TFDP2: variants seen among roughly 807,000 people sequenced by gnomAD.
TFDP2 encodes the protein transcription factor Dp-2 (E2F dimerization partner 2).
TFDP2 carries 17 observed loss-of-function variants against 59.3 expected under a neutral mutation model. The ratio of observed to expected loss-of-function variants is 0.29; its 90% CI spans 0.20 to 0.43. TFDP2 has a LOEUF of 0.43. Ranked by LOEUF, TFDP2 falls within the 20% of genes least tolerant of loss-of-function variation. The pLI, the probability that TFDP2 is intolerant of heterozygous loss-of-function variation, is 1.00. For missense variants in TFDP2, 391 were observed against 528.8 expected, an observed-to-expected ratio of 0.74 and a Z score of 2.56; for synonymous variants, 180 against 194.7, an observed-to-expected ratio of 0.92 and a Z score of 0.63.
At chr3:142,116,236 A>T (rs900931557) in intron 1 of TFDP2, among the ~76,000 whole-genome samples, 1 of 152,046 alleles carries the variant, frequency 6.6e-6, no homozygotes, top group African/African-American at 2.4e-5. Flanking sequence ...GCTAATTTTT[A>T]AAATTTTTGG....
chr3:142,094,354 G>C (rs562179201), intron 2 of TFDP2, among the ~76,000 whole-genome samples: 1 of 151,054 alleles, frequency 6.6e-6, no homozygotes, highest in Non-Finnish European at 1.5e-5. Flanking sequence ...GCCCAGGCTG[G>C]AGTGCAATGG....
chr3:141,996,385 A>G (rs1008558035), intron 4 of TFDP2, among the ~76,000 whole-genome samples: 4 of 152,196 alleles, frequency 2.6e-5, no homozygotes, highest in African/African-American at 9.6e-5. Flanking sequence ...ATTTTTGTAA[A>G]GTTTTGAAAG....
rs1935161213 is a variant in TFDP2 at position 141,945,661 on chromosome 3, T to C, written c.*6852A>G. ...GCTATTCAGGAGAAAAGTAGCCCCA[T>C]TGTCAGTGACGTTTTAGTATGAAAA... On this transcript the variant is annotated 3_prime_UTR_variant, in exon 13 of 13. Transcript: ENST00000489671. The C allele has an allele frequency of 6.6e-6, 1 of 152,202 alleles. No individual in the cohort carries two copies. Among genetic ancestry groups the C allele is most frequent in the African/African-American group, 2.4e-5 (1 of 41,440 alleles). The allele number at this position is 152,202 out of a possible 1,614,324, so 9.4% of individuals were successfully genotyped here.
chr3:142,014,812 A>C (rs1347355964), intron 3 of TFDP2, among the ~76,000 whole-genome samples: 1 of 152,164 alleles, frequency 6.6e-6, no homozygotes, highest in African/African-American at 2.4e-5. Flanking sequence ...CTTCCATCTC[A>C]AAAACAAAAA....
At chr3:142,017,355 G>GT (rs1945206759) in intron 3 of TFDP2, among the ~76,000 whole-genome samples, 1 of 151,960 alleles carries the variant, frequency 6.6e-6, no homozygotes, top group Non-Finnish European at 1.5e-5. Flanking sequence ...GAATAAATTG[G>GT]TAAGTACATG....
At position 141,978,508 on chromosome 3, in the gene TFDP2, T is replaced by C. The variant is rs1456149437; in HGVS notation, c.519+12A>G. The C allele has an allele frequency of 2.5e-6, 4 of 1,602,116 alleles. No individual in the cohort carries two copies. The highest frequency in any genetic ancestry group is 3.4e-6 in the Non-Finnish European group (4 of 1,176,556). ...TCCATCAAAATCAATGTCAGGTTCATGATTTACATACCGAATCAGCAGCCA... is the reference window on the plus strand; with the variant it reads ...TCCATCAAAATCAATGTCAGGTTCACGATTTACATACCGAATCAGCAGCCA... On this transcript the variant is annotated intron_variant, in intron 7 of 12. Coordinates refer to ENST00000489671, the MANE Select transcript of TFDP2 (RefSeq NM_001178139.2).
At chr3:142,101,531 T>G (rs1225734879) in intron 2 of TFDP2, among the ~76,000 whole-genome samples, 3 of 152,178 alleles carry the variant, frequency 2.0e-5, no homozygotes, top group African/African-American at 7.2e-5. Context: ...GGTGCCAATT[T>G]GCAAGAATGC....
At chr3:142,054,041 T>C (rs2059657542) in intron 3 of TFDP2, 1 of 152,224 alleles carries the variant, frequency 6.6e-6, no homozygotes, top group East Asian at 1.9e-4. Flanking sequence ...ACATTGCTGA[T>C]GGGAATGCCA....
intron 3 of TFDP2, among the ~76,000 whole-genome samples, chr3:142,050,542 A>C (rs1171799206): frequency 6.6e-6 from 1 of 151,360 alleles, no homozygotes; most frequent in Non-Finnish European, 1.5e-5. Context: ...AAAAACACAA[A>C]AAAATTAGCC....
chr3:142,092,436 C>A (rs1416304616), intron 3 of TFDP2, among the ~76,000 whole-genome samples: 1 of 152,114 alleles, frequency 6.6e-6, no homozygotes, highest in African/African-American at 2.4e-5. Flanking sequence ...AAGCAATCCT[C>A]CTACACTGGC....
intron 6 of TFDP2, among the ~76,000 whole-genome samples, chr3:141,985,387 G>C (rs996999396): frequency 6.6e-6 from 1 of 151,758 alleles, no homozygotes; most frequent in Admixed American, 6.6e-5. Context: ...AAATTAGTCA[G>C]GTGTGGTGAT....
chr3:141,980,673 T>A (rs966517968), intron 6 of TFDP2, among the ~76,000 whole-genome samples: 1 of 152,068 alleles, frequency 6.6e-6, no homozygotes, highest in African/African-American at 2.4e-5. Flanking sequence ...GTAGCTGGCA[T>A]TACAGGCGCC....
chr3:142,016,644 T>C (rs1243686480), intron 3 of TFDP2, among the ~76,000 whole-genome samples: 1 of 152,220 alleles, frequency 6.6e-6, no homozygotes, highest in African/African-American at 2.4e-5. Flanking sequence ...TTTTAATAAA[T>C]GTTTGGGTTC....
chr3:141,971,322 C>T (rs1939696289), intron 8 of TFDP2, among the ~76,000 whole-genome samples: 1 of 138,832 alleles, frequency 7.2e-6, no homozygotes, highest in African/African-American at 3.1e-5. Flanking sequence ...GAGTTCGAGA[C>T]CAGCCTGGCC....
At position 142,032,624 on chromosome 3, in the gene TFDP2, GT is replaced by G. The variant is rs375613257; in HGVS notation, c.83-27081del. 1.6e-4 allele frequency among the ~76,000 whole-genome samples: 25 copies of G among 152,206 alleles called. No individual in the cohort carries two copies. The East Asian group carries it at 4.4e-3, about 27-fold the overall frequency. On this transcript the variant is annotated intron_variant, in intron 3 of 12. Coordinates refer to ENST00000489671, the MANE Select transcript of TFDP2 (RefSeq NM_001178139.2). ...TTATATATCCCATAATCTCAACTCA[GT>G]ATTGAACTTCCTGTCTACCTTCCCA... is the stretch of plus-strand genomic sequence containing the variant.
At chr3:141,988,273 A>C (rs1032113336) in intron 6 of TFDP2, among the ~76,000 whole-genome samples, 1 of 152,108 alleles carries the variant, frequency 6.6e-6, no homozygotes, top group Non-Finnish European at 1.5e-5. Context: ...AATTGTCTTT[A>C]ACATACTAAG....
intron 3 of TFDP2, among the ~76,000 whole-genome samples, chr3:142,086,761 A>G (rs946894249): frequency 6.6e-6 from 1 of 152,060 alleles, no homozygotes; most frequent in Non-Finnish European, 1.5e-5. Flanking sequence ...CTCAATTTCC[A>G]GCCCTTCTCC....
intron 7 of TFDP2, among the ~76,000 whole-genome samples, chr3:141,977,391 G>C (rs1940853262): frequency 6.8e-6 from 1 of 146,250 alleles, no homozygotes; most frequent in African/African-American, 2.5e-5. Context: ...GGGCAACATA[G>C]TGAGACCTCA....
intron 2 of TFDP2, 21 bp downstream of exon 2, chr3:142,101,713 TA>T: frequency 5.2e-6 from 7 of 1,352,706 alleles, no homozygotes; most frequent in Non-Finnish European, 6.9e-6. Flanking sequence ...ATACTTACAT[TA>T]AAAAATTTAC....
Sources: gnomAD v4.1 joint callset for allele counts (sites outside exome capture counted in the v4.1 genomes callset) on GRCh38, gnomAD v4.1.1 for gene constraint, MANE v1.5 for transcripts, NCBI Gene and HGNC (gene_info 2026-07-23, HGNC 2026-07-21) for gene names.